Variants in PREP observed in about 807,000 individuals in gnomAD.
The protein encoded by PREP is prolyl endopeptidase, also known as dJ355L5.1 (prolyl endopeptidase).
Under a neutral mutation model 87.6 loss-of-function variants are expected in PREP, and 29 were observed. The observed-to-expected ratio is 0.33, with a 90% confidence interval of 0.25 to 0.45. The LOEUF (loss-of-function observed/expected upper bound fraction) is 0.45, where lower values mean the gene tolerates loss of function less well. Ranked by LOEUF, PREP falls within the 20% of genes least tolerant of loss-of-function variation. The probability of loss-of-function intolerance (pLI) is 1.00; values close to 1 mark genes in which losing one functional copy is unlikely to be tolerated. For missense variants in PREP, 695 were observed against 886.5 expected (o/e 0.78, Z 2.74); for synonymous variants, 337 against 328.6 (o/e 1.03, Z -0.28).
intron 2 of PREP, among the ~76,000 whole-genome samples, chr6:105,390,630 A>T (rs1385224159): frequency 6.6e-6 from 1 of 152,260 alleles, no homozygotes; most frequent in Non-Finnish European, 1.5e-5. Flanking sequence ...ACTCAGTAAC[A>T]ACTTCTAGAA....
intron 2 of PREP, among the ~76,000 whole-genome samples, chr6:105,379,639 A>C (rs1379926707): frequency 1.3e-5 from 2 of 152,346 alleles, no homozygotes; most frequent in East Asian, 1.9e-4. Flanking sequence ...GAAAGAAGGA[A>C]GACGCAACCT....
intron 9 of PREP, among the ~76,000 whole-genome samples, chr6:105,328,265 T>C (rs1771225064): frequency 6.6e-6 from 1 of 151,882 alleles, no homozygotes; most frequent in African/African-American, 2.4e-5. Flanking sequence ...GGTACTAATT[T>C]TTTTTTTTTT....
chr6:105,378,229 C>T (rs1433869612), intron 2 of PREP, among the ~76,000 whole-genome samples: 1 of 152,168 alleles, frequency 6.6e-6, no homozygotes, highest in Non-Finnish European at 1.5e-5. Context: ...AAGGCTGAGG[C>T]GGGTGGATCA....
chr6:105,395,141 T>C (rs1217128261), intron 2 of PREP, among the ~76,000 whole-genome samples: 1 of 152,122 alleles, frequency 6.6e-6, no homozygotes, highest in Non-Finnish European at 1.5e-5. Context: ...AAGATCACAG[T>C]ACTCTGAATT....
chr6:105,290,459 C>A (rs1374251365), intron 10 of PREP, among the ~76,000 whole-genome samples: 1 of 152,188 alleles, frequency 6.6e-6, no homozygotes. Flanking sequence ...CAACTACCCC[C>A]AGCTTCTCAT....
chr6:105,371,246 T>C (rs1772532616), intron 5 of PREP, among the ~76,000 whole-genome samples: 1 of 152,142 alleles, frequency 6.6e-6, no homozygotes, highest in Non-Finnish European at 1.5e-5. Flanking sequence ...GGCTCACGCC[T>C]ATAATCCCAG....
intron 2 of PREP, among the ~76,000 whole-genome samples, chr6:105,395,919 G>A (rs1562230228): frequency 6.6e-6 from 1 of 152,224 alleles, no homozygotes; most frequent in Non-Finnish European, 1.5e-5. Flanking sequence ...TTATGCAGGT[G>A]CATGTGACTC....
At chr6:105,294,469 G>C (rs1470977387) in intron 10 of PREP, among the ~76,000 whole-genome samples, 1 of 152,150 alleles carries the variant, frequency 6.6e-6, no homozygotes, top group Non-Finnish European at 1.5e-5. Flanking sequence ...CTGTAACAGT[G>C]AAACCTGTCC....
intron 1 of PREP, among the ~76,000 whole-genome samples, chr6:105,402,441 CACACACAA>C (rs1399189543): frequency 2.0e-5 from 3 of 150,914 alleles, no homozygotes; most frequent in Non-Finnish European, 1.5e-5. Flanking sequence ...CACACACACA[CACACACAA>C]ACACACACAC....
At chr6:105,357,276 G>A (rs1215704886) in intron 6 of PREP, among the ~76,000 whole-genome samples, 2 of 152,070 alleles carry the variant, frequency 1.3e-5, no homozygotes, top group African/African-American at 4.8e-5. Flanking sequence ...ATAAATGATG[G>A]CTAATTCAGT....
intron 9 of PREP, among the ~76,000 whole-genome samples, chr6:105,325,647 C>G: frequency 6.6e-6 from 1 of 152,182 alleles, no homozygotes; most frequent in South Asian, 2.1e-4. Flanking sequence ...TCGATACTTT[C>G]TGTTTATAGA....
chr6:105,384,737 A>G (rs929982196), intron 2 of PREP, among the ~76,000 whole-genome samples: 5 of 152,200 alleles, frequency 3.3e-5, no homozygotes, highest in Admixed American at 2.6e-4. Context: ...AGTTATCTCA[A>G]CTTAAGACAC....
intron 10 of PREP, 144 bp downstream of exon 10, chr6:105,323,521 C>T (rs915453580): frequency 1.6e-5 from 12 of 745,568 alleles, no homozygotes; most frequent in Admixed American, 2.2e-5. Context: ...GAGTGTTTGG[C>T]TCAATGACCG....
chr6:105,318,357 A>C (rs1770925198), intron 10 of PREP, among the ~76,000 whole-genome samples: 1 of 152,206 alleles, frequency 6.6e-6, no homozygotes, highest in African/African-American at 2.4e-5. Context: ...ATGTAGTCTC[A>C]GGTTGCTGCA....
At position 105,277,369 on chromosome 6, in the gene PREP, T is replaced by C. The variant is rs1769965538; in HGVS notation, c.*775A>G. Among the ~76,000 whole-genome samples, 1 of 152,166 alleles carries C rather than the reference T, an allele frequency of 6.6e-6. No individual in the cohort carries two copies. Among genetic ancestry groups the C allele is most frequent in the South Asian group, 2.1e-4 (1 of 4,826 alleles). On this transcript the variant is annotated 3_prime_UTR_variant, in exon 15 of 15. Coordinates refer to ENST00000652536, the MANE Select transcript of PREP (RefSeq NM_002726.5). ...AGGAACTCTGATTTCTAGGAATACT[T>C]TGTAAACAAATCAATATACAAATAG...
intron 7 of PREP, among the ~76,000 whole-genome samples, chr6:105,339,364 C>T (rs566252272): frequency 6.6e-6 from 1 of 152,302 alleles, no homozygotes; most frequent in South Asian, 2.1e-4. Context: ...ACACCCACAC[C>T]AAAACCCCAT....
At chr6:105,378,218 G>C (rs988896084) in intron 2 of PREP, among the ~76,000 whole-genome samples, 1 of 152,216 alleles carries the variant, frequency 6.6e-6, no homozygotes, top group Non-Finnish European at 1.5e-5. Context: ...CAGAACTTTG[G>C]AAGGCTGAGG....
chr6:105,378,528 T>A (rs1175045047), intron 2 of PREP, among the ~76,000 whole-genome samples: 1 of 152,136 alleles, frequency 6.6e-6, no homozygotes, highest in Non-Finnish European at 1.5e-5. Flanking sequence ...ACATGGTTTA[T>A]AAGAAAGGCA....
chr6:105,325,413 AAAGAC>A (rs1771127876), intron 9 of PREP, among the ~76,000 whole-genome samples: 1 of 152,248 alleles, frequency 6.6e-6, no homozygotes, highest in Non-Finnish European at 1.5e-5. Flanking sequence ...TTCTGTAGTG[AAAGAC>A]AATGAGTAGG....
Sources: gnomAD v4.1 joint callset for allele counts (sites outside exome capture counted in the v4.1 genomes callset) on GRCh38, gnomAD v4.1.1 for gene constraint, MANE v1.5 for transcripts, NCBI Gene and HGNC (gene_info 2026-07-23, HGNC 2026-07-21) for gene names.